Variants in COPS5 observed in about 807,000 individuals in gnomAD.
COPS5 encodes the protein COP9 signalosome subunit 5, also known as COP9 signalosome complex subunit 5.
Under a neutral mutation model 44.4 loss-of-function variants are expected in COPS5, and 8 were observed. The ratio of observed to expected loss-of-function variants is 0.18; its 90% CI spans 0.11 to 0.32. COPS5 has a LOEUF of 0.32. COPS5 is among the 10% of genes least tolerant of loss of function. COPS5 has a pLI of 1.00. For missense variants in COPS5, 159 were observed against 406.4 expected (o/e 0.39, Z 5.23); for synonymous variants, 122 against 142.8 (o/e 0.85, Z 1.04).
At chr8:67,060,652 G>T in intron 1 of COPS5, 1 of 379,088 alleles carries the variant, frequency 2.6e-6, no homozygotes, top group Non-Finnish European at 4.7e-6. Context: ...CCAATAAGTA[G>T]GTCTTATTTC....
chr8:67,044,952 T>C (rs1563443347), intron 7 of COPS5: 1 of 152,172 alleles, frequency 6.6e-6, no homozygotes, highest in African/African-American at 2.4e-5. Flanking sequence ...CAACTTTGTA[T>C]AGCCTATATA....
chr8:67,056,658 T>A (rs879095567), intron 4 of COPS5, 54 bp from the exon 5 acceptor site: 1,740 of 4,564 alleles, frequency 0.38, 301 homozygotes, highest in African/African-American at 0.56. Flanking sequence ...AAAAAATATA[T>A]ATATATATAT....
At chr8:67,045,743 T>C in intron 7 of COPS5, 69 bp downstream of exon 7, 1 of 1,491,096 alleles carries the variant, frequency 6.7e-7, no homozygotes. Flanking sequence ...ATCTGAATAC[T>C]ACTATTGTTT....
At chr8:67,044,101 G>C (rs963029430) in intron 7 of COPS5, 1 of 152,000 alleles carries the variant, frequency 6.6e-6, no homozygotes, top group Non-Finnish European at 1.5e-5. Flanking sequence ...GGAGTGCAGT[G>C]GCACAATCAT....
At chr8:67,059,167 ACT>A in intron 2 of COPS5, 42 bp downstream of exon 2, 7 of 1,405,822 alleles carry the variant, frequency 5.0e-6, no homozygotes, top group Non-Finnish European at 6.0e-6. Context: ...TCACCTTGAG[ACT>A]CTAACTTGCA....
intron 5 of COPS5, among the ~76,000 whole-genome samples, chr8:67,052,790 A>G (rs1175629680): frequency 2.0e-5 from 3 of 148,976 alleles, no homozygotes; most frequent in African/African-American, 7.4e-5. Context: ...ACTGCACTCC[A>G]GCCTGGGCAA....
chr8:67,048,072 T>C (rs1816721419), intron 6 of COPS5, among the ~76,000 whole-genome samples: 2 of 151,230 alleles, frequency 1.3e-5, no homozygotes, highest in South Asian at 2.1e-4. Flanking sequence ...GCCCAGAAGC[T>C]CCAGACCAGC....
In COPS5 at chr8:67,051,245, A is replaced by C. The variant is rs1278632663; in HGVS notation, c.756T>G (p.Ser252=). ...WNKYWVNTLS[S]SSLLTNADYT... is the part of the protein sequence containing the mutation. ...TAGTACTTACAGTAAGCAAGCTAGAAGAACTCAACGTATTCACCCAGTATT... is the reference window on the plus strand; with the variant it reads ...TAGTACTTACAGTAAGCAAGCTAGACGAACTCAACGTATTCACCCAGTATT... Residue 252 remains serine, a synonymous_variant, in exon 6 of 8, where the codon TCT becomes TCG. Transcript: ENST00000357849. The C allele has an allele frequency of 1.2e-6, 2 of 1,602,894 alleles. No individual in the cohort carries two copies. Among genetic ancestry groups the C allele is most frequent in the African/African-American group, 2.7e-5 (2 of 74,738 alleles).
chr8:67,043,354 T>C (rs1341436403), intron 7 of COPS5, 37 bp from the exon 8 acceptor site: 6 of 1,293,978 alleles, frequency 4.6e-6, no homozygotes, highest in Non-Finnish European at 6.7e-6. Context: ...ATGTCATAAA[T>C]TGAAAACTAT....
At position 67,059,401 on chromosome 8, in the gene COPS5, A is replaced by G. The variant is rs748216094; in HGVS notation, c.188T>C (p.Leu63Pro). 1.2e-6 allele frequency: 2 copies of G among 1,614,232 alleles called. No individual in the cohort carries two copies. Among genetic ancestry groups the G allele is most frequent in the Non-Finnish European group, 8.5e-7 (1 of 1,180,034 alleles). ...CGATCTGGCATGCATCACCATCTTCAGCAGAGCCAATGCTGAGATTTTGCA... is the reference window on the plus strand; with the variant it reads ...CGATCTGGCATGCATCACCATCTTCGGCAGAGCCAATGCTGAGATTTTGCA... ...KYCKISALAL[L>P]KMVMHARSGG... is the part of the protein sequence containing the mutation. Residue 63 changes from leucine (L) to proline (P), a missense_variant, in exon 2 of 8, where the codon CTG becomes CCG. Coordinates refer to ENST00000357849, the MANE Select transcript of COPS5 (RefSeq NM_006837.3).
chr8:67,047,228 C>G (rs1287507804), intron 6 of COPS5, among the ~76,000 whole-genome samples: 2 of 152,184 alleles, frequency 1.3e-5, no homozygotes, highest in Admixed American at 1.3e-4. Context: ...AGTCACCAAA[C>G]AAGAAAAGTT....
intron 5 of COPS5, among the ~76,000 whole-genome samples, chr8:67,055,855 G>A (rs1804495828): frequency 7.7e-6 from 1 of 129,410 alleles, no homozygotes; most frequent in African/African-American, 2.9e-5. Context: ...AACAGAGCAA[G>A]ACTATGTCTT....
chr8:67,060,800 A>G, intron 1 of COPS5: 1 of 239,430 alleles, frequency 4.2e-6, no homozygotes, highest in African/African-American at 2.3e-5. Context: ...CATAAATTAC[A>G]TAACGTATTT....
rs924901882 is a variant in COPS5 at position 67,057,457 on chromosome 8, A to G, written c.508-12T>C. The G allele has an allele frequency of 6.4e-7, 1 of 1,562,928 alleles. No homozygotes were observed. Among genetic ancestry groups the G allele is most frequent in the African/African-American group, 1.4e-5 (1 of 73,436 alleles). On this transcript the variant is annotated splice_polypyrimidine_tract_variant and intron_variant, in intron 3 of 7. Coordinates refer to ENST00000357849, the MANE Select transcript of COPS5 (RefSeq NM_006837.3). ...CTTGTTGGATCAATCTATAAGAAAGATATATTTAATATCTGCTGATATAAA... is the reference window on the plus strand; with the variant it reads ...CTTGTTGGATCAATCTATAAGAAAGGTATATTTAATATCTGCTGATATAAA...
At position 67,061,965 on chromosome 8, in the gene COPS5, T is replaced by G; in HGVS notation, c.32A>C (p.Lys11Thr). The change falls in exon 1 of 8, where the codon AAA (lysine) becomes ACA (threonine). Residue 11 changes from lysine to threonine, a missense_variant. This residue lies in a region of COPS5 where 25 missense variants were observed against 29.7 expected (regional missense o/e 0.84). Coordinates refer to ENST00000357849, the MANE Select transcript of COPS5 (RefSeq NM_006837.3). MAASGSGMAQ[K>T]TWELANNMQE... ...CATGTTGTTGGCCAGTTCCCAGGTT[T>G]TCTGGGCCATACCGCTCCCGGACGC... 1 of 1,614,236 alleles carries G rather than the reference T, an allele frequency of 6.2e-7. No individual in the cohort carries two copies. Among genetic ancestry groups the G allele is most frequent in the Non-Finnish European group, 8.5e-7 (1 of 1,180,044 alleles).
At chr8:67,061,443 G>T (rs746262141) in intron 1 of COPS5, 15 of 445,314 alleles carry the variant, frequency 3.4e-5, no homozygotes, top group South Asian at 1.1e-4. Context: ...AAAAAGAAAA[G>T]AAAATAGCTC....
chr8:67,046,838 A>C (rs1257030579), intron 6 of COPS5, among the ~76,000 whole-genome samples: 6 of 150,836 alleles, frequency 4.0e-5, no homozygotes, highest in African/African-American at 9.7e-5. Context: ...AAAAAAAAAA[A>C]AAAAAAAAAA....
rs1804658157 is a variant in COPS5 at position 67,062,061 on chromosome 8, C to T, written c.-65G>A. On this transcript the variant is annotated 5_prime_UTR_variant, in exon 1 of 8. Coordinates refer to ENST00000357849, the MANE Select transcript of COPS5 (RefSeq NM_006837.3). ...ACGCAACTTTACCTCGCTAGGTTTCCGGGTGTGGGCCTTGACCCTCCGCAC... is the reference window on the plus strand; with the variant it reads ...ACGCAACTTTACCTCGCTAGGTTTCTGGGTGTGGGCCTTGACCCTCCGCAC... 2 of 1,610,238 alleles carry T rather than the reference C, an allele frequency of 1.2e-6. No individual in the cohort carries two copies. The highest frequency in any genetic ancestry group is 1.1e-5 in the South Asian group (1 of 90,764).
At chr8:67,051,434 T>C (rs2129537838) in intron 5 of COPS5, 93 bp from the exon 6 acceptor site, 1 of 645,702 alleles carries the variant, frequency 1.5e-6, no homozygotes, top group East Asian at 2.7e-5. Context: ...AGTTACACTT[T>C]ATTCTCAAAT....
Sources: gnomAD v4.1 joint callset for allele counts (sites outside exome capture counted in the v4.1 genomes callset) on GRCh38, gnomAD v4.1.1 for gene constraint, gnomAD v4.1.1 regional missense constraint, MANE v1.5 for transcripts, NCBI Gene and HGNC (gene_info 2026-07-23, HGNC 2026-07-21) for gene names.